The following EPHB2 variants were observed in gnomAD, a reference collection of about 807,000 sequenced individuals.
EPHB2 encodes the protein EPH receptor B2, also known as ephrin type-B receptor 2.
In EPHB2, 18 loss-of-function variants were observed where a neutral mutation model predicts 96.4. That is an observed-to-expected ratio of 0.19 (90% confidence interval 0.13 to 0.28). The LOEUF is 0.28. EPHB2 is among the 10% of genes least tolerant of loss of function. The pLI, the probability that EPHB2 is intolerant of heterozygous loss-of-function variation, is 1.00. For synonymous variants in EPHB2, 506 were observed against 534.1 expected (o/e 0.95, Z 0.72); for missense variants, 989 against 1,355.4 (o/e 0.73, Z 4.25).
intron 1 of EPHB2, chr1:22,775,290 G>A: frequency 1.3e-6 from 1 of 778,614 alleles, no homozygotes; most frequent in South Asian, 1.3e-5. Flanking sequence ...GTGAAATGGG[G>A]TTAATAATAG....
intron 3 of EPHB2, among the ~76,000 whole-genome samples, chr1:22,810,905 C>T (rs926210764): frequency 6.6e-5 from 10 of 152,290 alleles, no homozygotes; most frequent in African/African-American, 2.4e-4. Flanking sequence ...CCCCAAGTCC[C>T]CCTCCTCAGT....
chr1:22,913,677 G>C lies in EPHB2; in HGVS notation c.*107G>C, dbSNP rs746146203. On this transcript the variant is annotated 3_prime_UTR_variant, in exon 16 of 16. Coordinates refer to ENST00000374630, the MANE Select transcript of EPHB2 (RefSeq NM_017449.5). This position sits in a 1 kb window ranked among gnomAD's most constrained non-coding sequence, Gnocchi z 4.1. ...CTGCAGGGCCAGCCACTCGCCAGGAGGCCACGGGCCACGGGAAGAACCAAG... is the reference window on the plus strand; with the variant it reads ...CTGCAGGGCCAGCCACTCGCCAGGACGCCACGGGCCACGGGAAGAACCAAG... 3.1e-6 allele frequency: 5 copies of C among 1,602,666 alleles called. No homozygotes were observed. The Admixed American group carries it at 8.7e-5, about 28-fold the overall frequency.
At chr1:22,813,204 A>C (rs542754103) in intron 3 of EPHB2, among the ~76,000 whole-genome samples, 1 of 152,312 alleles carries the variant, frequency 6.6e-6, no homozygotes, top group South Asian at 2.1e-4. Flanking sequence ...GAGGAAACCC[A>C]AGCTCAGAGA....
chr1:22,762,651 G>A (rs545058605), intron 1 of EPHB2, among the ~76,000 whole-genome samples: 1 of 152,184 alleles, frequency 6.6e-6, no homozygotes, highest in South Asian at 2.1e-4. Context: ...TGGAAATGAG[G>A]ATGATTTAGG....
At chr1:22,751,365 C>T (rs1644060552) in intron 1 of EPHB2, among the ~76,000 whole-genome samples, 1 of 152,166 alleles carries the variant, frequency 6.6e-6, no homozygotes, top group African/African-American at 2.4e-5. Flanking sequence ...CAGAAGTGTC[C>T]CGGTGCTGTA....
chr1:22,834,051 T>TTA (rs1553168699), intron 3 of EPHB2, among the ~76,000 whole-genome samples: 4 of 150,710 alleles, frequency 2.7e-5, no homozygotes, highest in Non-Finnish European at 5.9e-5. Context: ...CAAAACACTT[T>TTA]AAAAAAAAAA....
chr1:22,774,885 A>G (rs1282291332), intron 1 of EPHB2, among the ~76,000 whole-genome samples: 1 of 152,212 alleles, frequency 6.6e-6, no homozygotes, highest in Non-Finnish European at 1.5e-5. Flanking sequence ...TCAGAAGAAC[A>G]GGATTCACCT....
intron 3 of EPHB2, among the ~76,000 whole-genome samples, chr1:22,793,743 A>G (rs1644729763): frequency 6.6e-6 from 1 of 152,094 alleles, no homozygotes; most frequent in South Asian, 2.1e-4. Context: ...GGTATATGCT[A>G]TGCTTCCATT....
rs971732128 is a variant in EPHB2, at chr1:22,917,036, C to A, written c.*3466C>A. Reference sequence around the variant, plus strand: ...GAGTGCTGGACCAGAGGCCTCAGAGCAGGGACCCGGGTGGCGGGGCAGTAG... The same window carrying A: ...GAGTGCTGGACCAGAGGCCTCAGAGAAGGGACCCGGGTGGCGGGGCAGTAG... On this transcript the variant is annotated 3_prime_UTR_variant, in exon 16 of 16. Transcript: ENST00000374630. 1 of 152,362 alleles carries A rather than the reference C, an allele frequency of 6.6e-6. No individual in the cohort carries two copies. The highest frequency in any genetic ancestry group is 1.5e-5 in the Non-Finnish European group (1 of 68,182). The allele number at this position is 152,362 out of a possible 1,614,324, so 9.4% of individuals were successfully genotyped here. A position where few individuals can be genotyped will look rare whatever the true frequency, so the allele number is the denominator to read the frequency against.
At chr1:22,747,851 C>G (rs1377005685) in intron 1 of EPHB2, among the ~76,000 whole-genome samples, 1 of 152,228 alleles carries the variant, frequency 6.6e-6, no homozygotes, top group Admixed American at 6.5e-5. Context: ...CCCCACTCAG[C>G]CACTGATGAG....
At chr1:22,748,573 G>A (rs557812323) in intron 1 of EPHB2, among the ~76,000 whole-genome samples, 1 of 151,448 alleles carries the variant, frequency 6.6e-6, no homozygotes. Flanking sequence ...GTAGAGACAG[G>A]GTTTCACCAT....
At chr1:22,910,218 C>A (rs1049747276) in intron 13 of EPHB2, among the ~76,000 whole-genome samples, 164 bp from the exon 14 acceptor site, 1 of 152,128 alleles carries the variant, frequency 6.6e-6, no homozygotes, top group African/African-American at 2.4e-5. Flanking sequence ...ATGGTGGAAA[C>A]CCAGGTCATC....
At chr1:22,813,018 T>C (rs1645024558) in intron 3 of EPHB2, among the ~76,000 whole-genome samples, 1 of 152,226 alleles carries the variant, frequency 6.6e-6, no homozygotes, top group Non-Finnish European at 1.5e-5. Flanking sequence ...TAGTACCCTT[T>C]TAATTGATGA....
At chr1:22,909,806 C>T (rs1640035251) in intron 13 of EPHB2, among the ~76,000 whole-genome samples, 1 of 152,150 alleles carries the variant, frequency 6.6e-6, no homozygotes, top group African/African-American at 2.4e-5. Flanking sequence ...CACAGTTGAG[C>T]TGTGGAAGGT....
At chr1:22,838,937 AAAAAC>A (rs1214319349) in intron 3 of EPHB2, among the ~76,000 whole-genome samples, 2 of 148,108 alleles carry the variant, frequency 1.4e-5, no homozygotes, top group Non-Finnish European at 3.0e-5. Context: ...TCTCAAAAAT[AAAAAC>A]AAAACAAAAA....
At position 22,860,771 on chromosome 1, in the gene EPHB2, A is replaced by G. The variant is rs1638218015; in HGVS notation, c.812-2266A>G. 6.6e-6 allele frequency among the ~76,000 whole-genome samples: 1 copy of G among 152,152 alleles called. No homozygotes were observed. The highest frequency in any genetic ancestry group is 6.5e-5 in the Admixed American group (1 of 15,286). Reference sequence around the variant, plus strand: ...TGGAAGCCTTGTGCCCCCATTCTGCAGAGGAGGAAACCCGTTCAGAGAGGC... The same window carrying G: ...TGGAAGCCTTGTGCCCCCATTCTGCGGAGGAGGAAACCCGTTCAGAGAGGC... On this transcript the variant is annotated intron_variant, in intron 3 of 15. Coordinates refer to ENST00000374630, the MANE Select transcript of EPHB2 (RefSeq NM_017449.5). The surrounding 1 kb of genome is among the most constrained non-coding windows in gnomAD (Gnocchi z 4.6).
intron 1 of EPHB2, among the ~76,000 whole-genome samples, chr1:22,747,734 C>T (rs1464376786): frequency 6.6e-6 from 1 of 152,248 alleles, no homozygotes; most frequent in Admixed American, 6.5e-5. Flanking sequence ...TGCGACCTGT[C>T]TCCTCACCTG....
intron 5 of EPHB2, among the ~76,000 whole-genome samples, chr1:22,871,199 TA>T (rs1471554682): frequency 6.6e-6 from 1 of 152,150 alleles, no homozygotes; most frequent in Non-Finnish European, 1.5e-5. Flanking sequence ...GGCCAGGAAG[TA>T]ACAGAACCTG....
intron 1 of EPHB2, among the ~76,000 whole-genome samples, chr1:22,731,196 G>A (rs1643702409): frequency 6.6e-6 from 1 of 152,228 alleles, no homozygotes; most frequent in African/African-American, 2.4e-5. Context: ...CTGGCAGCCA[G>A]GTTGGTGACT....
Sources: gnomAD v4.1 joint callset for allele counts (sites outside exome capture counted in the v4.1 genomes callset) on GRCh38, gnomAD v4.1.1 for gene constraint, Gnocchi (gnomAD v3.1) non-coding constraint, MANE v1.5 for transcripts, NCBI Gene and HGNC (gene_info 2026-07-23, HGNC 2026-07-21) for gene names.